The following ADGRL4 variants were observed in gnomAD, a reference collection of about 807,000 sequenced individuals.
ADGRL4 encodes the protein adhesion G protein-coupled receptor L4.
ADGRL4 carries 90 observed loss-of-function variants against 74.8 expected under a neutral mutation model. The observed-to-expected ratio is 1.20, with a 90% CI of 1.02 to 1.43. The LOEUF is 1.43. Among genes scored for constraint, ADGRL4 ranks in the 40% most tolerant of loss-of-function variants. The pLI is 0.00. For synonymous variants in ADGRL4, 311 were observed against 279.2 expected (o/e 1.11, Z -1.14); for missense variants, 881 against 814.3 (o/e 1.08, Z -1.00).
rs755073382 is a variant in ADGRL4, at chr1:79,005,191, G to C, written c.51C>G (p.Ser17=). ...GTGTCTTGGTGCAATTTTGAGTATA[G>C]GAACAATTCAACAAAGTGGAAAAAA... ...LVVFSTLLNC[S]YTQNCTKTPC... Residue 17 remains serine, a synonymous_variant, in exon 2 of 15, where the codon TCC becomes TCG. Transcript: ENST00000370742. The C allele has an allele frequency of 1.2e-6, 2 of 1,610,736 alleles. No individual in the cohort carries two copies. Among genetic ancestry groups the C allele is most frequent in the Non-Finnish European group, 8.5e-7 (1 of 1,178,640 alleles).
At chr1:78,897,337 C>T (rs1648419348) in intron 12 of ADGRL4, among the ~76,000 whole-genome samples, 1 of 152,098 alleles carries the variant, frequency 6.6e-6, no homozygotes, top group Admixed American at 6.6e-5. Context: ...CTCCTCACTT[C>T]TGATACCTGA....
chr1:78,918,752 A>G (rs1648937268), intron 10 of ADGRL4, among the ~76,000 whole-genome samples: 2 of 151,910 alleles, frequency 1.3e-5, no homozygotes. Flanking sequence ...ATACTTATGT[A>G]CCTATCCCAT....
At chr1:78,983,252 A>T (rs564589328) in intron 2 of ADGRL4, among the ~76,000 whole-genome samples, 53 of 151,856 alleles carry the variant, frequency 3.5e-4, no homozygotes, top group Non-Finnish European at 5.0e-4. Flanking sequence ...TGCCCAAAAC[A>T]TCATCAGTGA....
chr1:78,940,613 T>G (rs933166879), intron 3 of ADGRL4, among the ~76,000 whole-genome samples: 8 of 152,142 alleles, frequency 5.3e-5, no homozygotes, highest in African/African-American at 1.7e-4. Flanking sequence ...GCAAAAATTT[T>G]TATGTTTCTA....
chr1:78,915,042 C>T (rs1267481158), intron 12 of ADGRL4, among the ~76,000 whole-genome samples: 1 of 151,812 alleles, frequency 6.6e-6, no homozygotes, highest in Non-Finnish European at 1.5e-5. Context: ...TCCATTCAAC[C>T]CATTCTCTTC....
intron 12 of ADGRL4, 29 bp downstream of exon 12, chr1:78,917,605 A>C (rs1230486157): frequency 1.4e-6 from 2 of 1,422,510 alleles, no homozygotes; most frequent in African/African-American, 3.1e-5. Flanking sequence ...ACTTTTTTGA[A>C]TTGTAATAAC....
intron 2 of ADGRL4, among the ~76,000 whole-genome samples, chr1:78,999,921 G>GA (rs1421716233): frequency 8.6e-5 from 13 of 150,358 alleles, no homozygotes; most frequent in Admixed American, 3.3e-4. Context: ...CTTAATTTGG[G>GA]AAAAAAATCA....
At chr1:79,004,030 G>C (rs1243475597) in intron 2 of ADGRL4, among the ~76,000 whole-genome samples, 1 of 151,852 alleles carries the variant, frequency 6.6e-6, no homozygotes, top group Non-Finnish European at 1.5e-5. Context: ...ATGAAGTTTG[G>C]TCTTACTAAA....
chr1:78,989,804 T>C (rs1162417697), intron 2 of ADGRL4, among the ~76,000 whole-genome samples: 2 of 151,984 alleles, frequency 1.3e-5, no homozygotes, highest in African/African-American at 4.8e-5. Context: ...CCTTTCTATA[T>C]GGCTGGGGTT....
chr1:78,921,559 G>GAA, intron 9 of ADGRL4, 54 bp downstream of exon 9: 1 of 1,168,076 alleles, frequency 8.6e-7, no homozygotes, highest in Non-Finnish European at 1.1e-6. Flanking sequence ...GAATGATGCG[G>GAA]AAAAAAAACA....
chr1:78,912,540 A>G (rs1474225770), intron 12 of ADGRL4, among the ~76,000 whole-genome samples: 3 of 151,866 alleles, frequency 2.0e-5, no homozygotes, highest in Non-Finnish European at 2.9e-5. Context: ...ATGAGAATCT[A>G]ATGCCAATTA....
At chr1:78,990,764 G>A (rs1650592201) in intron 2 of ADGRL4, among the ~76,000 whole-genome samples, 2 of 151,858 alleles carry the variant, frequency 1.3e-5, no homozygotes, top group Non-Finnish European at 2.9e-5. Flanking sequence ...GCATCTGCTT[G>A]CCTTTCTGCA....
At chr1:78,917,805 T>G in intron 11 of ADGRL4, 25 bp downstream of exon 11, 3 of 1,604,370 alleles carry the variant, frequency 1.9e-6, no homozygotes, top group Non-Finnish European at 2.6e-6. Flanking sequence ...GTATTTCAAA[T>G]GCTCATGAAA....
chr1:78,930,849 A>T (rs1649225518), intron 7 of ADGRL4, among the ~76,000 whole-genome samples: 1 of 151,424 alleles, frequency 6.6e-6, no homozygotes, highest in Non-Finnish European at 1.5e-5. Context: ...CATTAGTTAC[A>T]TCATCCATAT....
At chr1:78,913,057 C>A (rs1473235840) in intron 12 of ADGRL4, among the ~76,000 whole-genome samples, 1 of 151,906 alleles carries the variant, frequency 6.6e-6, no homozygotes, top group Non-Finnish European at 1.5e-5. Context: ...CACTAATCAT[C>A]AGAGCAATGC....
At chr1:78,912,134 C>G (rs1284786193) in intron 12 of ADGRL4, among the ~76,000 whole-genome samples, 1 of 151,742 alleles carries the variant, frequency 6.6e-6, no homozygotes, top group East Asian at 1.9e-4. Context: ...ACTGTGACTC[C>G]TAAAGTTGTG....
intron 1 of ADGRL4, among the ~76,000 whole-genome samples, chr1:79,005,715 T>C (rs1650948653): frequency 6.6e-6 from 1 of 152,256 alleles, no homozygotes; most frequent in Non-Finnish European, 1.5e-5. Context: ...ATGCACTTGC[T>C]GTTTTTTTCT....
chr1:78,939,323 T>G (rs1163956078), intron 3 of ADGRL4, 65 bp from the exon 4 acceptor site: 1 of 1,329,346 alleles, frequency 7.5e-7, no homozygotes, highest in Non-Finnish European at 9.9e-7. Flanking sequence ...GCTGATCATA[T>G]CAATCCCAAT....
At chr1:78,943,445 C>T (rs577145223) in intron 3 of ADGRL4, among the ~76,000 whole-genome samples, 3 of 152,256 alleles carry the variant, frequency 2.0e-5, no homozygotes, top group South Asian at 2.1e-4. Flanking sequence ...TCTCACCCAG[C>T]GCTTTCTGCA....
Sources: gnomAD v4.1 joint callset for allele counts (sites outside exome capture counted in the v4.1 genomes callset) on GRCh38, gnomAD v4.1.1 for gene constraint, MANE v1.5 for transcripts, NCBI Gene and HGNC (gene_info 2026-07-23, HGNC 2026-07-21) for gene names.